Variants in DNAH12 observed in about 807,000 individuals in gnomAD.
DNAH12 encodes axonemal beta dynein heavy chain 12.
A neutral mutation model predicts 371.5 loss-of-function variants in DNAH12; 285 were observed. That is an observed-to-expected ratio of 0.77 (90% confidence interval 0.70 to 0.85). The LOEUF is 0.85. DNAH12 is among the 40% of genes least tolerant of loss of function. DNAH12 has a pLI of 0.00. For synonymous variants in DNAH12, 1,200 were observed against 1,213.0 expected (o/e 0.99, Z 0.22); for missense variants, 3,611 against 3,689.4 (o/e 0.98, Z 0.55).
In DNAH12 at chr3:57,433,895, A is replaced by G. The variant is rs897428599; in HGVS notation, c.4656-67T>C. The G allele has an allele frequency of 4.4e-5, 57 of 1,294,972 alleles. No individual in the cohort carries two copies. The African/African-American group carries it at 8.3e-4, about 19-fold the overall frequency. The allele number at this position is 1,294,972 out of a possible 1,614,324, so 80.2% of individuals were successfully genotyped here. ...AGAGTTAAATAATTTATATCAGTATATAAAACTTTACCCTGTGATAATTAC... is the reference window on the plus strand; with the variant it reads ...AGAGTTAAATAATTTATATCAGTATGTAAAACTTTACCCTGTGATAATTAC... On this transcript the variant is annotated intron_variant, in intron 30 of 73. Coordinates refer to ENST00000495027, the MANE Select transcript of DNAH12 (RefSeq NM_001366028.2).
At chr3:57,296,722 G>T in intron 71 of DNAH12, 125 bp downstream of exon 71, 1 of 1,163,452 alleles carries the variant, frequency 8.6e-7, no homozygotes, top group Non-Finnish European at 1.2e-6. Context: ...GGGATAGCAA[G>T]ACAAATATTC....
rs1363255809 is a variant in DNAH12 at position 57,314,525 on chromosome 3, GATTC to G, written c.10627_10630del (p.Glu3543LeufsTer28). 6.4e-7 allele frequency: 1 copy of G among 1,550,954 alleles called. No homozygotes were observed. Among genetic ancestry groups the G allele is most frequent in the African/African-American group, 1.4e-5 (1 of 72,978 alleles). ...TTGTCGGATACTGATGCGCAAGTCAGATTCATTAAATCCATATGGAATATTCCAA... is the reference window on the plus strand; with the variant it reads ...TTGTCGGATACTGATGCGCAAGTCAGATTAAATCCATATGGAATATTCCAA... On this transcript the variant is annotated frameshift_variant, in exon 66 of 74. Coordinates refer to ENST00000495027, the MANE Select transcript of DNAH12 (RefSeq NM_001366028.2). LOFTEE classifies it high-confidence loss of function.
chr3:57,423,649 G>A (rs2153362473), intron 35 of DNAH12, among the ~76,000 whole-genome samples: 1 of 152,192 alleles, frequency 6.6e-6, no homozygotes, highest in South Asian at 2.1e-4. Flanking sequence ...AACCAGCATA[G>A]ACCAGGAAAA....
rs543908178 is a variant in DNAH12, at chr3:57,426,697, T to A, written c.5254-1556A>T. Among the ~76,000 whole-genome samples, 208 of 150,648 alleles carry A rather than the reference T, an allele frequency of 1.4e-3. 1 individual carries two copies. The highest frequency in any genetic ancestry group is 2.4e-3 in the Non-Finnish European group (165 of 67,670). On this transcript the variant is annotated intron_variant, in intron 34 of 73. Transcript: ENST00000495027. Reference sequence around the variant, plus strand: ...AAAAAATATACAAAAATTAGCCAGGTGTTGTGGTGCACGCCTGTAATTGTG... The same window carrying A: ...AAAAAATATACAAAAATTAGCCAGGAGTTGTGGTGCACGCCTGTAATTGTG...
intron 12 of DNAH12, among the ~76,000 whole-genome samples, chr3:57,488,408 G>C (rs2067007787): frequency 6.6e-6 from 1 of 152,050 alleles, no homozygotes; most frequent in African/African-American, 2.4e-5. Context: ...TGGCCAGGCT[G>C]GTCTCGAACT....
rs2068797439 is a variant in DNAH12 at position 57,530,311 on chromosome 3, T to TAA, written c.171-6428_171-6427insTT. The TAA allele has an allele frequency of 1.8e-5, 7 of 391,000 alleles. No homozygotes were observed. In the South Asian group the frequency reaches 3.5e-4, roughly 20 times the overall value. 24.2% of individuals were successfully genotyped at this position (391,000 alleles called of 1,614,324 possible). A position where few individuals can be genotyped will look rare whatever the true frequency, so the allele number is the denominator to read the frequency against. On this transcript the variant is annotated intron_variant, in intron 2 of 73. Coordinates refer to ENST00000495027, the MANE Select transcript of DNAH12 (RefSeq NM_001366028.2). ...TCTTGTTACAGAACAATAAACACCT[T>TAA]TATTACATAAGCAAATACAGAAAGG... is the stretch of plus-strand genomic sequence containing the variant.
chr3:57,351,805 G>A (rs2062681593), intron 60 of DNAH12, among the ~76,000 whole-genome samples: 1 of 152,114 alleles, frequency 6.6e-6, no homozygotes, highest in Admixed American at 6.6e-5. Context: ...GTGCTTCAAG[G>A]ATGGTGGGGA....
In DNAH12 at chr3:57,405,138, C is replaced by T. The variant is rs2063985228; in HGVS notation, c.6586G>A (p.Glu2196Lys). 6.5e-7 allele frequency: 1 copy of T among 1,529,148 alleles called. No homozygotes were observed. The allele number at this position is 1,529,148 out of a possible 1,614,324, so 94.7% of individuals were successfully genotyped here. ...CCAAACATGAGATTTCTTAAGTCTT[C>T]TTCAGTTACCTATAGAAAGGAAATC... The part of the protein sequence containing the change: ...LRKQNAPVTE[E>K]DLRNLMFGDY... The change falls in exon 42 of 74, where the codon GAA becomes AAA. Residue 2196 changes from glutamate to lysine, a missense_variant. Physicochemically the swap from Glu to Lys is moderately conservative, Grantham distance 56 (BLOSUM62 1). Around this residue, in one of 3 missense-constraint regions of DNAH12, gnomAD observed 2,266 missense variants for 2,236.9 expected, o/e 1.01. Transcript: ENST00000495027.
rs2067968224 is a variant in DNAH12, at chr3:57,510,848, A to C, written c.411T>G (p.Leu137=). The C allele has an allele frequency of 1.9e-6, 3 of 1,613,864 alleles. No individual in the cohort carries two copies. The highest frequency in any genetic ancestry group is 2.5e-6 in the Non-Finnish European group (3 of 1,180,020). The change falls in exon 5 of 74, where the codon CTT becomes CTG. Residue 137 remains leucine, a synonymous_variant. Transcript: ENST00000495027. ...TTGACACCTCATTTATGAGACTTTC[A>C]AGAAGTTCTTCTCTTTCTTTCCCTT... ...LKEGKEREEL[L]ESLINEVSSD...
intron 71 of DNAH12, 149 bp from the exon 72 acceptor site, chr3:57,296,584 A>G (rs764926450): frequency 4.5e-5 from 35 of 769,866 alleles, no homozygotes; most frequent in Admixed American, 6.1e-5. Context: ...CGTAGTTTGT[A>G]AAAAAGTATA....
At chr3:57,445,524 T>C (rs2065457731) in intron 27 of DNAH12, 105 bp from the exon 28 acceptor site, 10 of 1,016,154 alleles carry the variant, frequency 9.8e-6, no homozygotes, top group East Asian at 3.2e-5. Context: ...ATTCTCCAAA[T>C]GCAGCACCTT....
chr3:57,359,106 T>A (rs1218893083), intron 58 of DNAH12, among the ~76,000 whole-genome samples: 1 of 152,076 alleles, frequency 6.6e-6, no homozygotes, highest in East Asian at 1.9e-4. Context: ...CATTAAATAA[T>A]AACTTAATTA....
At chr3:57,299,909 G>A (rs1207811764) in intron 70 of DNAH12, among the ~76,000 whole-genome samples, 1 of 152,320 alleles carries the variant, frequency 6.6e-6, no homozygotes, top group Middle Eastern at 3.4e-3. Context: ...GAGAAATGAG[G>A]AAAGTGTAGA....
intron 8 of DNAH12, among the ~76,000 whole-genome samples, chr3:57,504,523 G>A (rs1027473051): frequency 5.3e-5 from 8 of 151,942 alleles, no homozygotes; most frequent in African/African-American, 1.9e-4. Flanking sequence ...CAATCCTCCT[G>A]TTTCAGCCTC....
At chr3:57,302,567 A>ATATATTTTTTTTT (rs2061380979) in intron 69 of DNAH12, among the ~76,000 whole-genome samples, 1 of 27,484 alleles carries the variant, frequency 3.6e-5, no homozygotes, top group Non-Finnish European at 6.3e-5. Context: ...ATATATATGT[A>ATATATTTTTTTTT]TTTTTTTTTT....
intron 8 of DNAH12, among the ~76,000 whole-genome samples, chr3:57,505,169 G>C (rs1273533132): frequency 2.0e-5 from 3 of 152,050 alleles, no homozygotes; most frequent in Admixed American, 6.6e-5. Context: ...GATTACAGGC[G>C]TGAGCCACCA....
intron 59 of DNAH12, among the ~76,000 whole-genome samples, chr3:57,355,496 T>C (rs2062777760): frequency 6.6e-6 from 1 of 152,164 alleles, no homozygotes; most frequent in African/African-American, 2.4e-5. Flanking sequence ...TAAATTTTTT[T>C]TTAACTTTAA....
chr3:57,448,343 G>T (rs552953821), intron 25 of DNAH12, among the ~76,000 whole-genome samples: 3 of 151,966 alleles, frequency 2.0e-5, no homozygotes, highest in Non-Finnish European at 2.9e-5. Flanking sequence ...AGCACGTCTG[G>T]ACTTGTTCAT....
At position 57,379,160 on chromosome 3, in the gene DNAH12, T is replaced by C. The variant is rs2063337622; in HGVS notation, c.8221A>G (p.Lys2741Glu). 1 of 152,170 alleles carries C rather than the reference T, an allele frequency of 6.6e-6. No homozygotes were observed. Among genetic ancestry groups the C allele is most frequent in the Non-Finnish European group, 1.5e-5 (1 of 68,048 alleles). The allele number at this position is 152,170 out of a possible 1,614,324, so 9.4% of individuals were successfully genotyped here. The change falls in exon 52 of 74, where the codon AAG becomes GAG. Residue 2741 changes from lysine (K) to glutamate (E), a missense_variant and splice_region_variant. Physicochemically the swap from Lys to Glu is moderately conservative, Grantham distance 56. Coordinates refer to ENST00000495027, the MANE Select transcript of DNAH12 (RefSeq NM_001366028.2). ...AGATGTGCTAATGTTGAAAGTACCT[T>C]TGCAACTCTGTCGTACACTTCCATG... ...MAMEVYDRVAKVVAPKKARLS... is the reference protein window; with the variant it reads ...MAMEVYDRVAEVVAPKKARLS...
Sources: allele counts gnomAD v4.1 joint callset (sites outside exome capture counted in the v4.1 genomes callset), GRCh38; gene constraint gnomAD v4.1.1; regional missense constraint gnomAD v4.1.1; transcripts MANE v1.5; gene names NCBI Gene and HGNC (gene_info 2026-07-23, HGNC 2026-07-21).